LHFPL3: variants seen among roughly 807,000 people sequenced by gnomAD.
LHFPL3 encodes the protein LHFPL tetraspan subfamily member 3 protein.
LHFPL3 carries 5 observed loss-of-function variants against 19.3 expected under a neutral mutation model. That is an observed-to-expected ratio of 0.26 (90% CI 0.14 to 0.54). LHFPL3 has a LOEUF of 0.54. LHFPL3 is among the 20% of genes least tolerant of loss of function. LHFPL3 has a pLI of 0.94. For missense variants in LHFPL3, 249 were observed against 307.4 expected (o/e 0.81, Z 1.42); for synonymous variants, 133 against 126.2 (o/e 1.05, Z -0.36).
At chr7:104,494,566 C>A (rs1793420670) in intron 1 of LHFPL3, among the ~76,000 whole-genome samples, 3 of 152,160 alleles carry the variant, frequency 2.0e-5, no homozygotes, top group South Asian at 4.1e-4. Flanking sequence ...TCCCTGCCCC[C>A]AAAACGTCAG....
intron 1 of LHFPL3, among the ~76,000 whole-genome samples, chr7:104,522,956 C>T (rs1015974762): frequency 7.6e-6 from 1 of 131,400 alleles, no homozygotes; most frequent in African/African-American, 2.8e-5. Context: ...CTGTCTGTCT[C>T]TCTCTCTATA....
At chr7:104,881,218 C>T (rs986201238) in intron 2 of LHFPL3, among the ~76,000 whole-genome samples, 1 of 151,614 alleles carries the variant, frequency 6.6e-6, no homozygotes, top group Non-Finnish European at 1.5e-5. Context: ...CTATTGCTGC[C>T]ATAGATAGTG....
chr7:104,488,685 A>C (rs1229892880), intron 1 of LHFPL3, among the ~76,000 whole-genome samples: 1 of 152,204 alleles, frequency 6.6e-6, no homozygotes, highest in African/African-American at 2.4e-5. Flanking sequence ...ATGTTCAGAC[A>C]GTGTAGAGCA....
intron 1 of LHFPL3, among the ~76,000 whole-genome samples, chr7:104,591,014 C>T (rs903119431): frequency 1.3e-5 from 2 of 152,150 alleles, no homozygotes; most frequent in Admixed American, 1.3e-4. Context: ...TGTCTCTGCA[C>T]ATAAGATGGG....
chr7:104,886,442 G>A (rs906481785), intron 2 of LHFPL3, among the ~76,000 whole-genome samples: 1 of 152,096 alleles, frequency 6.6e-6, no homozygotes, highest in Non-Finnish European at 1.5e-5. Context: ...TCAGTTCACC[G>A]CAACTTCCGC....
At chr7:104,528,749 G>C (rs1209540880) in intron 1 of LHFPL3, among the ~76,000 whole-genome samples, 2 of 152,104 alleles carry the variant, frequency 1.3e-5, no homozygotes, top group East Asian at 3.8e-4. Flanking sequence ...TAGTAATTAA[G>C]AGTCATAATT....
chr7:104,860,719 T>C (rs1007292547), intron 2 of LHFPL3, among the ~76,000 whole-genome samples: 11 of 152,180 alleles, frequency 7.2e-5, no homozygotes, highest in Non-Finnish European at 1.3e-4. Context: ...GAATGTAAAG[T>C]GTTTATAGAA....
At chr7:104,470,181 C>A in intron 1 of LHFPL3, 1 of 402,240 alleles carries the variant, frequency 2.5e-6, no homozygotes, top group Non-Finnish European at 5.1e-6. Flanking sequence ...GATCTGGCCA[C>A]ATATTTTCAA....
At chr7:104,512,017 C>G (rs1375360599) in intron 1 of LHFPL3, among the ~76,000 whole-genome samples, 1 of 141,634 alleles carries the variant, frequency 7.1e-6, no homozygotes, top group African/African-American at 2.7e-5. Flanking sequence ...TGCAGCGGTG[C>G]AATCTTGGCT....
intron 2 of LHFPL3, among the ~76,000 whole-genome samples, chr7:104,825,001 T>C (rs1790789964): frequency 6.7e-6 from 1 of 148,984 alleles, no homozygotes; most frequent in Non-Finnish European, 1.5e-5. Flanking sequence ...CTTTGAATTA[T>C]GCATGCTTGT....
At chr7:104,842,184 T>TAAA (rs11429366) in intron 2 of LHFPL3, among the ~76,000 whole-genome samples, 87,014 of 141,162 alleles carry the variant, frequency 0.62, 28,961 homozygotes, top group Non-Finnish European at 0.77. Context: ...CACAATCCTT[T>TAAA]AAAAAAAAAA....
chr7:104,796,910 A>G (rs562914195), intron 2 of LHFPL3: 32 of 152,788 alleles, frequency 2.1e-4, no homozygotes, highest in African/African-American at 7.0e-4. Context: ...TTTCTCGCAC[A>G]CATCCAGGGA....
intron 1 of LHFPL3, among the ~76,000 whole-genome samples, chr7:104,502,959 A>AT (rs1220486837): frequency 6.6e-6 from 1 of 152,166 alleles, no homozygotes; most frequent in Non-Finnish European, 1.5e-5. Context: ...ATCATTTCAA[A>AT]TTTTCTGGAA....
chr7:104,890,464 G>C (rs1259768873), intron 2 of LHFPL3, among the ~76,000 whole-genome samples: 1 of 152,210 alleles, frequency 6.6e-6, no homozygotes, highest in African/African-American at 2.4e-5. Context: ...GCCTTGAGCA[G>C]TAGACTTGCC....
At chr7:104,524,215 C>T (rs1228415274) in intron 1 of LHFPL3, among the ~76,000 whole-genome samples, 1 of 152,060 alleles carries the variant, frequency 6.6e-6, no homozygotes. Flanking sequence ...GGCCAAGACG[C>T]AGGATTGATG....
chr7:104,709,763 G>T (rs1485747853), intron 1 of LHFPL3, among the ~76,000 whole-genome samples: 1 of 152,118 alleles, frequency 6.6e-6, no homozygotes, highest in Non-Finnish European at 1.5e-5. Flanking sequence ...CCCAGACGGG[G>T]TGGCGGCCGG....
intron 1 of LHFPL3, among the ~76,000 whole-genome samples, chr7:104,591,610 G>A (rs1021865911): frequency 5.3e-5 from 8 of 152,026 alleles, no homozygotes; most frequent in African/African-American, 9.7e-5. Flanking sequence ...TGCTCTTCTC[G>A]AGGAGTATCT....
At chr7:104,378,248 C>T (rs557417609) in intron 1 of LHFPL3, among the ~76,000 whole-genome samples, 1 of 152,314 alleles carries the variant, frequency 6.6e-6, no homozygotes, top group South Asian at 2.1e-4. Context: ...CATGCCTGAC[C>T]TCAGGCGACT....
chr7:104,533,074 G>A (rs1246278894), intron 1 of LHFPL3, among the ~76,000 whole-genome samples: 1 of 152,132 alleles, frequency 6.6e-6, no homozygotes, highest in Non-Finnish European at 1.5e-5. Flanking sequence ...ATAATTCAAG[G>A]ATTTTTATGG....
Sources: gnomAD v4.1 joint callset for allele counts (sites outside exome capture counted in the v4.1 genomes callset) on GRCh38, gnomAD v4.1.1 for gene constraint, MANE v1.5 for transcripts, NCBI Gene and HGNC (gene_info 2026-07-23, HGNC 2026-07-21) for gene names.